Variants in DSCAM observed in about 807,000 individuals in gnomAD.
DSCAM encodes the protein cell adhesion molecule DSCAM.
Under a neutral mutation model 217.7 loss-of-function variants are expected in DSCAM, and 47 were observed. That is an observed-to-expected ratio of 0.22 (90% CI 0.17 to 0.28). The LOEUF (loss-of-function observed/expected upper bound fraction) is 0.28, where lower values mean the gene tolerates loss of function less well. Ranked by LOEUF, DSCAM falls within the 10% of genes least tolerant of loss-of-function variation. DSCAM has a pLI of 1.00. For missense variants in DSCAM, 2,080 were observed against 2,618.3 expected, an observed-to-expected ratio of 0.79 and a Z score of 4.49; for synonymous variants, 1,056 against 1,015.3, an observed-to-expected ratio of 1.04 and a Z score of -0.76.
At chr21:40,369,061 T>C (rs374325643) in intron 4 of DSCAM, 38 bp downstream of exon 4, 2 of 1,556,636 alleles carry the variant, frequency 1.3e-6, no homozygotes, top group African/African-American at 1.4e-5. Context: ...AACAAAGAAA[T>C]AGCAGACATA....
intron 11 of DSCAM, among the ~76,000 whole-genome samples, chr21:40,244,630 C>A (rs145647641): frequency 6.6e-5 from 10 of 152,244 alleles, no homozygotes; most frequent in African/African-American, 2.2e-4. Flanking sequence ...TGAAGGTGTT[C>A]TGGACCAAAG....
At position 40,341,965 on chromosome 21, in the gene DSCAM, T is replaced by G. The variant is rs561767754; in HGVS notation, c.1211-2550A>C. On this transcript the variant is annotated intron_variant, in intron 6 of 32. Coordinates refer to ENST00000400454, the MANE Select transcript of DSCAM (RefSeq NM_001389.5). Reference sequence around the variant, plus strand: ...TTTACATTTTTGAAGAGTAATTTTGTAGTCAGTTGCTGAAATTGGGTTTGT... The same window carrying G: ...TTTACATTTTTGAAGAGTAATTTTGGAGTCAGTTGCTGAAATTGGGTTTGT... 3.3e-5 allele frequency among the ~76,000 whole-genome samples: 5 copies of G among 152,322 alleles called. No individual in the cohort carries two copies. The East Asian group carries it at 7.7e-4, about 24-fold the overall frequency.
chr21:40,711,741 G>A (rs749711440), intron 1 of DSCAM, among the ~76,000 whole-genome samples: 6 of 152,282 alleles, frequency 3.9e-5, no homozygotes, highest in Admixed American at 2.0e-4. Context: ...TGGCCCCCTC[G>A]TGTTAAGTTG....
chr21:40,650,466 A>G (rs559620294), intron 3 of DSCAM, among the ~76,000 whole-genome samples: 47 of 152,358 alleles, frequency 3.1e-4, no homozygotes, highest in African/African-American at 1.1e-3. Context: ...GAAGAGATTA[A>G]CATTTGAATC....
intron 3 of DSCAM, among the ~76,000 whole-genome samples, chr21:40,531,300 C>T (rs538379317): frequency 1.1e-4 from 17 of 152,308 alleles, no homozygotes; most frequent in Non-Finnish European, 2.4e-4. Context: ...GATCAGGTTC[C>T]CTCTGCTGGG....
chr21:40,459,080 T>A (rs973788370), intron 3 of DSCAM, among the ~76,000 whole-genome samples: 10 of 150,958 alleles, frequency 6.6e-5, no homozygotes, highest in Non-Finnish European at 1.3e-4. Context: ...AGAAAAAAAA[T>A]CAATAAAATA....
intron 8 of DSCAM, among the ~76,000 whole-genome samples, chr21:40,318,782 G>A (rs1471233329): frequency 5.3e-5 from 8 of 152,196 alleles, no homozygotes; most frequent in East Asian, 1.9e-4. Context: ...CAGAGGCTGC[G>A]TGGGTCACAT....
intron 11 of DSCAM, among the ~76,000 whole-genome samples, chr21:40,214,294 G>T (rs898001478): frequency 3.3e-5 from 5 of 152,322 alleles, no homozygotes; most frequent in Middle Eastern, 3.4e-3. Flanking sequence ...TTCTTACTCA[G>T]TCATAGTTAG....
chr21:40,677,983 T>TA (rs5844035), intron 3 of DSCAM, among the ~76,000 whole-genome samples: 71,674 of 151,950 alleles, frequency 0.47, 17,303 homozygotes, highest in East Asian at 0.59. Context: ...TATTTATATA[T>TA]AATACTTTTT....
intron 1 of DSCAM, among the ~76,000 whole-genome samples, chr21:40,825,685 A>G (rs917614732): frequency 2.0e-5 from 3 of 152,192 alleles, no homozygotes; most frequent in Non-Finnish European, 4.4e-5. Context: ...ACAACATATC[A>G]GAAATTACAT....
intron 3 of DSCAM, among the ~76,000 whole-genome samples, chr21:40,618,090 G>A (rs529353352): frequency 1.2e-4 from 19 of 152,122 alleles, no homozygotes; most frequent in East Asian, 9.6e-4. Context: ...AGAGCTGTGC[G>A]GGACTGATTA....
intron 3 of DSCAM, among the ~76,000 whole-genome samples, chr21:40,450,264 G>A (rs1468425610): frequency 1.3e-5 from 2 of 152,140 alleles, no homozygotes; most frequent in African/African-American, 2.4e-5. Context: ...GGGAAAACCA[G>A]CAGAACAAAT....
At chr21:40,469,860 T>A (rs1009902133) in intron 3 of DSCAM, among the ~76,000 whole-genome samples, 2 of 152,240 alleles carry the variant, frequency 1.3e-5, no homozygotes, top group African/African-American at 4.8e-5. Context: ...TTGCATGTAG[T>A]GTTTGACTAA....
At chr21:40,176,960 T>C (rs976429395) in intron 15 of DSCAM, among the ~76,000 whole-genome samples, 1 of 152,210 alleles carries the variant, frequency 6.6e-6, no homozygotes, top group African/African-American at 2.4e-5. Context: ...GCATTAATAA[T>C]GGCAATCAGA....
intron 27 of DSCAM, among the ~76,000 whole-genome samples, chr21:40,071,651 T>C (rs1359965134): frequency 6.6e-6 from 1 of 152,376 alleles, no homozygotes; most frequent in East Asian, 1.9e-4. Context: ...TCCTGATAGA[T>C]GGTTGCTCAC....
chr21:40,622,040 A>G (rs1159652581), intron 3 of DSCAM, among the ~76,000 whole-genome samples: 3 of 152,200 alleles, frequency 2.0e-5, no homozygotes, highest in Admixed American at 6.5e-5. Context: ...TTTTACATCA[A>G]CTACCACCAC....
At chr21:40,552,645 A>G (rs910407339) in intron 3 of DSCAM, among the ~76,000 whole-genome samples, 1 of 152,242 alleles carries the variant, frequency 6.6e-6, no homozygotes, top group Non-Finnish European at 1.5e-5. Flanking sequence ...TGGCAGCTTC[A>G]TCTACTTTCC....
At chr21:40,275,340 T>C (rs1280962796) in intron 11 of DSCAM, among the ~76,000 whole-genome samples, 1 of 150,984 alleles carries the variant, frequency 6.6e-6, no homozygotes, top group Non-Finnish European at 1.5e-5. Flanking sequence ...AAAAAAAAAG[T>C]GGGAGGGGAG....
intron 32 of DSCAM, among the ~76,000 whole-genome samples, chr21:40,017,577 T>C (rs1009888304): frequency 1.3e-5 from 2 of 151,974 alleles, no homozygotes; most frequent in Non-Finnish European, 2.9e-5. Context: ...TTTTTTTTTT[T>C]TGAGATGGAG....
Sources: allele counts gnomAD v4.1 joint callset (sites outside exome capture counted in the v4.1 genomes callset), GRCh38; gene constraint gnomAD v4.1.1; transcripts MANE v1.5; gene names NCBI Gene and HGNC (gene_info 2026-07-23, HGNC 2026-07-21).